PRKN: variants seen among roughly 807,000 people sequenced by gnomAD.
PRKN encodes the protein E3 ubiquitin-protein ligase parkin.
PRKN carries 56 observed loss-of-function variants against 59.5 expected under a neutral mutation model. The ratio of observed to expected loss-of-function variants is 0.94; its 90% CI spans 0.76 to 1.18. PRKN has a LOEUF of 1.18. PRKN is among the 50% of genes most tolerant of loss of function. The probability of loss-of-function intolerance (pLI) is 0.00; values close to 1 mark genes in which losing one functional copy is unlikely to be tolerated. For synonymous variants in PRKN, 250 were observed against 222.1 expected (o/e 1.13, Z -1.12); for missense variants, 657 against 596.4 (o/e 1.10, Z -1.06).
intron 2 of PRKN, among the ~76,000 whole-genome samples, chr6:162,266,760 ATCCCGATCC>A: frequency 6.6e-6 from 1 of 152,312 alleles, no homozygotes; most frequent in Middle Eastern, 3.4e-3. Context: ...AAGAGCTCAG[ATCCCGATCC>A]GCAATGATAC....
intron 4 of PRKN, among the ~76,000 whole-genome samples, chr6:162,111,886 C>T (rs548877817): frequency 2.0e-5 from 3 of 152,302 alleles, no homozygotes; most frequent in African/African-American, 2.4e-5. Context: ...AGAATTCTAC[C>T]ACCAATTGTT....
intron 2 of PRKN, among the ~76,000 whole-genome samples, chr6:162,304,549 A>G (rs1782138462): frequency 6.9e-6 from 1 of 145,630 alleles, no homozygotes; most frequent in Non-Finnish European, 1.5e-5. Context: ...CTATCTATTT[A>G]TCCATCTGTC....
rs977376191 is a variant in PRKN at position 161,352,712 on chromosome 6, A to G, written c.1286-2501T>C. 5.0e-5 allele frequency among the ~76,000 whole-genome samples: 7 copies of G among 140,528 alleles called. No homozygotes were observed. Among genetic ancestry groups the G allele is most frequent in the Non-Finnish European group, 4.8e-5 (3 of 62,758 alleles). 92.2% of individuals were successfully genotyped at this position (140,528 alleles called of 152,430 possible). On this transcript the variant is annotated intron_variant, in intron 11 of 11. Coordinates refer to ENST00000366898, the MANE Select transcript of PRKN (RefSeq NM_004562.3). This position sits in a 1 kb window ranked among gnomAD's most constrained non-coding sequence, Gnocchi z 5.8. ...AATATATATAAGCATATATAAACAC[A>G]AATATGTATGAAGAGTGTGTGTGTG...
At chr6:162,347,481 T>C (rs1309072116) in intron 2 of PRKN, among the ~76,000 whole-genome samples, 1 of 152,112 alleles carries the variant, frequency 6.6e-6, no homozygotes. Flanking sequence ...TTCATTTCAT[T>C]GTATTCAAAG....
At chr6:161,783,597 C>T in intron 7 of PRKN, 2 of 487,870 alleles carry the variant, frequency 4.1e-6, no homozygotes, top group South Asian at 1.6e-5. Flanking sequence ...GAACTGATAA[C>T]TAAAAAGATA....
chr6:162,009,167 T>C (rs1003916178), intron 5 of PRKN, among the ~76,000 whole-genome samples: 3 of 151,648 alleles, frequency 2.0e-5, no homozygotes, highest in African/African-American at 7.3e-5. Context: ...GCAGGAGAAC[T>C]GCTTGAACCC....
rs144263266 is a variant in PRKN at position 162,471,854 on chromosome 6, T to C, written c.8-28381A>G. ...TAAAATTATTAGAACACTAGTCTTT[T>C]TGGAATTGATTTTTAAAGTCCCCTA... On this transcript the variant is annotated intron_variant, in intron 1 of 11. Coordinates refer to ENST00000366898, the MANE Select transcript of PRKN (RefSeq NM_004562.3). Among the ~76,000 whole-genome samples the C allele has an allele frequency of 3.3e-5, 5 of 152,336 alleles. No homozygotes were observed. The East Asian group carries it at 9.7e-4, about 29-fold the overall frequency.
At chr6:161,944,374 A>G (rs1583385092) in intron 6 of PRKN, among the ~76,000 whole-genome samples, 1 of 152,172 alleles carries the variant, frequency 6.6e-6, no homozygotes, top group African/African-American at 2.4e-5. Context: ...ACAGGGCCAC[A>G]TTCCCTGCAA....
chr6:162,511,666 G>A (rs1777624812), intron 1 of PRKN, among the ~76,000 whole-genome samples: 1 of 151,996 alleles, frequency 6.6e-6, no homozygotes, highest in Non-Finnish European at 1.5e-5. Flanking sequence ...ATGGTCTGGG[G>A]AGAGTAAGGG....
rs1483972162 is a variant in PRKN at position 161,429,454 on chromosome 6, AC to A, written c.1084-42578del. 3.3e-5 allele frequency among the ~76,000 whole-genome samples: 5 copies of A among 152,152 alleles called. No homozygotes were observed. Among genetic ancestry groups the A allele is most frequent in the African/African-American group, 1.2e-4 (5 of 41,430 alleles). On this transcript the variant is annotated intron_variant, in intron 9 of 11. Coordinates refer to ENST00000366898, the MANE Select transcript of PRKN (RefSeq NM_004562.3). The surrounding 1 kb of genome is among the most constrained non-coding windows in gnomAD (Gnocchi z 4.2). The stretch of plus-strand genomic sequence containing the variant: ...CATGGTTAAGAGGGACGGAGAAATA[AC>A]ACGAATGTGGTGAGGCAGGGTGGTA...
chr6:161,933,345 A>G (rs1779236172), intron 6 of PRKN, among the ~76,000 whole-genome samples: 1 of 152,226 alleles, frequency 6.6e-6, no homozygotes, highest in Non-Finnish European at 1.5e-5. Flanking sequence ...GGAAATAACA[A>G]TGTTGACTCC....
At chr6:162,073,421 C>T (rs76470654) in intron 4 of PRKN, among the ~76,000 whole-genome samples, 2,199 of 152,256 alleles carry the variant, frequency 0.014, 48 homozygotes, top group African/African-American at 0.05. Flanking sequence ...CAAGTACTAC[C>T]TCTATAGCTT....
intron 1 of PRKN, among the ~76,000 whole-genome samples, chr6:162,565,044 C>T (rs934484312): frequency 1.2e-4 from 18 of 151,714 alleles, no homozygotes; most frequent in African/African-American, 4.1e-4. Flanking sequence ...AAAATAATAA[C>T]TGAAATAACT....
At chr6:162,449,961 T>C (rs1583591286) in intron 1 of PRKN, among the ~76,000 whole-genome samples, 1 of 152,182 alleles carries the variant, frequency 6.6e-6, no homozygotes, top group African/African-American at 2.4e-5. Flanking sequence ...GCTTTAGGCT[T>C]GAAGCCAGGT....
chr6:161,902,560 A>ATTTTTTT, intron 6 of PRKN, among the ~76,000 whole-genome samples: 1 of 125,330 alleles, frequency 8.0e-6, no homozygotes, highest in African/African-American at 3.2e-5. Context: ...TTATTTATTT[A>ATTTTTTT]TTTATTTTTT....
intron 2 of PRKN, among the ~76,000 whole-genome samples, chr6:162,421,541 G>C (rs1788966627): frequency 6.6e-6 from 1 of 152,134 alleles, no homozygotes; most frequent in Non-Finnish European, 1.5e-5. Flanking sequence ...TTTGTAATCA[G>C]AAATGATACA....
At chr6:162,596,615 G>A (rs1562420408) in intron 1 of PRKN, among the ~76,000 whole-genome samples, 1 of 152,144 alleles carries the variant, frequency 6.6e-6, no homozygotes, top group Non-Finnish European at 1.5e-5. Flanking sequence ...TTCCTGTAGT[G>A]TGAATTTTCT....
At chr6:161,613,650 C>T (rs563128836) in intron 7 of PRKN, among the ~76,000 whole-genome samples, 152 of 152,306 alleles carry the variant, frequency 1.0e-3, no homozygotes, top group African/African-American at 3.5e-3. Context: ...CAAGCTTCAG[C>T]AGCCGCAACC....
At position 161,588,897 on chromosome 6, in the gene PRKN, C is replaced by G. The variant is rs1296998703; in HGVS notation, c.872-19481G>C. Among the ~76,000 whole-genome samples, 1 of 151,834 alleles carries G rather than the reference C, an allele frequency of 6.6e-6. No individual in the cohort carries two copies. ...AAAGTACCAAGTCCTTTTTTTTTAG[C>G]CTAAGCCTGACCCAGATATTTTTGT... is the stretch of plus-strand genomic sequence containing the variant. On this transcript the variant is annotated intron_variant, in intron 7 of 11. Transcript: ENST00000366898. This position sits in a 1 kb window ranked among gnomAD's most constrained non-coding sequence, Gnocchi z 5.0.
Sources: allele counts gnomAD v4.1 joint callset (sites outside exome capture counted in the v4.1 genomes callset), GRCh38; gene constraint gnomAD v4.1.1; non-coding constraint Gnocchi (gnomAD v3.1); transcripts MANE v1.5; gene names NCBI Gene and HGNC (gene_info 2026-07-23, HGNC 2026-07-21).